Variants in SACM1L observed in about 807,000 individuals in gnomAD.
The protein encoded by SACM1L is SAC1 like phosphatidylinositide phosphatase, also known as phosphatidylinositol-3-phosphatase SAC1.
Under a neutral mutation model 89.5 loss-of-function variants are expected in SACM1L, and 32 were observed. That is an observed-to-expected ratio of 0.36 (90% CI 0.27 to 0.48). The LOEUF is 0.48. SACM1L is among the 20% of genes least tolerant of loss of function. SACM1L has a pLI of 0.99. For synonymous variants in SACM1L, 213 were observed against 232.8 expected, an observed-to-expected ratio of 0.92 and a Z score of 0.77; for missense variants, 543 against 708.5, an observed-to-expected ratio of 0.77 and a Z score of 2.65.
chr3:45,741,963 C>G (rs1699326176), intron 19 of SACM1L, among the ~76,000 whole-genome samples: 1 of 152,248 alleles, frequency 6.6e-6, no homozygotes, highest in Non-Finnish European at 1.5e-5. Flanking sequence ...CATTTCCTCT[C>G]TGGGTCCTCT....
In SACM1L at chr3:45,744,163, G is replaced by A. The variant is rs1317792571; in HGVS notation, c.*494G>A. On this transcript the variant is annotated 3_prime_UTR_variant, in exon 20 of 20. Transcript: ENST00000389061. ...AATAAGCTAACTGTGTTTATAAAAT[G>A]TAAGTCTCTTACAGACATCAAGTAG... is the stretch of plus-strand genomic sequence containing the variant. 1 of 152,474 alleles carries A rather than the reference G, an allele frequency of 6.6e-6. No homozygotes were observed. Among genetic ancestry groups the A allele is most frequent in the East Asian group, 1.9e-4 (1 of 5,198 alleles). 9.4% of individuals were successfully genotyped at this position (152,474 alleles called of 1,614,324 possible).
Position 45,703,442 on chromosome 3 carries a change from A to G in SACM1L, c.37A>G (p.Ile13Val). Residue 13 changes from isoleucine (I) to valine (V), a missense_variant, in exon 2 of 20, where the codon ATC becomes GTC. By Grantham distance (29) the Ile-to-Val change is conservative (BLOSUM62 3). Transcript: ENST00000389061. ...ATGTTTTACATTTCTTCTTAGGCAT[A>G]TCACACCTGAAAAATTTTATGTGGA... is the stretch of plus-strand genomic sequence containing the variant. ...TAAYEQLKLH[I>V]TPEKFYVEAC... 6.2e-7 allele frequency: 1 copy of G among 1,609,502 alleles called. No individual in the cohort carries two copies. The highest frequency in any genetic ancestry group is 8.5e-7 in the Non-Finnish European group (1 of 1,176,058).
chr3:45,725,337 T>C (rs981184259), intron 11 of SACM1L, among the ~76,000 whole-genome samples: 2 of 152,194 alleles, frequency 1.3e-5, no homozygotes, highest in African/African-American at 4.8e-5. Context: ...TTTTTATTTA[T>C]TTATGTTTTA....
At chr3:45,739,414 A>G (rs3733107) in intron 18 of SACM1L, among the ~76,000 whole-genome samples, 173 bp from the exon 19 acceptor site, 37,970 of 152,098 alleles carry the variant, frequency 0.25, 5,639 homozygotes, top group East Asian at 0.54. Flanking sequence ...TCTAAAGTCT[A>G]GGGCAGTTGT....
At chr3:45,698,919 T>G (rs919662677) in intron 1 of SACM1L, among the ~76,000 whole-genome samples, 1 of 152,072 alleles carries the variant, frequency 6.6e-6, no homozygotes, top group African/African-American at 2.4e-5. Context: ...TACAGGCACG[T>G]GCCACCGCAC....
chr3:45,734,429 GAAAAA>G (rs910890657), intron 13 of SACM1L, among the ~76,000 whole-genome samples: 2 of 151,106 alleles, frequency 1.3e-5, no homozygotes, highest in African/African-American at 4.9e-5. Flanking sequence ...AAAAGAAAAA[GAAAAA>G]AAATATTTTT....
intron 14 of SACM1L, among the ~76,000 whole-genome samples, chr3:45,736,006 A>G (rs1699190266): frequency 6.6e-6 from 1 of 152,148 alleles, no homozygotes; most frequent in Admixed American, 6.5e-5. Flanking sequence ...AGCTGGGGCT[A>G]CAGGCATGTG....
At chr3:45,729,336 C>T (rs534872847) in intron 11 of SACM1L, among the ~76,000 whole-genome samples, 345 of 152,264 alleles carry the variant, frequency 2.3e-3, no homozygotes, top group African/African-American at 7.7e-3. Context: ...CTGCCCACCT[C>T]GGCCTCCCAA....
At chr3:45,732,416 A>G (rs1188714660) in intron 13 of SACM1L, among the ~76,000 whole-genome samples, 1 of 152,208 alleles carries the variant, frequency 6.6e-6, no homozygotes, top group Non-Finnish European at 1.5e-5. Context: ...ATTTTTGTAT[A>G]ATTGAACTTG....
At chr3:45,701,151 AT>A (rs910257482) in intron 1 of SACM1L, among the ~76,000 whole-genome samples, 26 of 147,844 alleles carry the variant, frequency 1.8e-4, no homozygotes, top group Non-Finnish European at 1.4e-4. Context: ...CATTTCTTTA[AT>A]TTTTTTTTTT....
intron 1 of SACM1L, among the ~76,000 whole-genome samples, chr3:45,700,971 C>T (rs1286361922): frequency 1.3e-5 from 2 of 152,206 alleles, no homozygotes; most frequent in Non-Finnish European, 2.9e-5. Flanking sequence ...CGCGCCCAGC[C>T]TCTATCTCTT....
Position 45,726,869 on chromosome 3 carries a change from CTTTTTTTTTTT to C in SACM1L, c.921+3343_921+3353del, listed in dbSNP as rs1158423503. On this transcript the variant is annotated intron_variant, in intron 11 of 19. Transcript: ENST00000389061. ...CCTCAGCACTGCTTTTGCTTTATTT[CTTTTTTTTTTT>C]TTTTTTTTTTTTTTTTGAGACGGAG... Among the ~76,000 whole-genome samples the C allele has an allele frequency of 7.1e-4, 37 of 52,342 alleles. 9 individuals carry two copies. The highest frequency in any genetic ancestry group is 3.4e-3 in the African/African-American group (37 of 10,786). 34.3% of individuals were successfully genotyped at this position (52,342 alleles called of 152,430 possible).
chr3:45,721,722 A>G (rs1289165327), intron 8 of SACM1L, among the ~76,000 whole-genome samples: 1 of 152,018 alleles, frequency 6.6e-6, no homozygotes, highest in African/African-American at 2.4e-5. Context: ...ACTACTTTAG[A>G]GGAATTTTGT....
chr3:45,731,549 T>C (rs961771549), intron 12 of SACM1L, among the ~76,000 whole-genome samples, 169 bp downstream of exon 12: 1 of 152,246 alleles, frequency 6.6e-6, no homozygotes, highest in Admixed American at 6.5e-5. Flanking sequence ...TAATTTATGT[T>C]GCAGAATAAC....
At chr3:45,735,101 C>G in intron 13 of SACM1L, 134 bp from the exon 14 acceptor site, 1 of 851,650 alleles carries the variant, frequency 1.2e-6, no homozygotes, top group Non-Finnish European at 1.7e-6. Context: ...TATGCCTGAC[C>G]ACACATTCCT....
intron 1 of SACM1L, among the ~76,000 whole-genome samples, chr3:45,695,410 A>G (rs2125680430): frequency 1.3e-5 from 2 of 151,956 alleles, no homozygotes; most frequent in South Asian, 2.1e-4. Context: ...ACAGGCATGC[A>G]CCACCAGGCC....
In SACM1L at chr3:45,689,531, C is replaced by T. The variant is rs369162043; in HGVS notation, c.32+34C>T. On this transcript the variant is annotated intron_variant, in intron 1 of 19. Transcript: ENST00000389061. Reference sequence around the variant, plus strand: ...CACGGGCCAGAGGCCTGAGGCGCGGCGGGCGGGGCGGCAGGTGCGGGCCCT... The same window carrying T: ...CACGGGCCAGAGGCCTGAGGCGCGGTGGGCGGGGCGGCAGGTGCGGGCCCT... 172 of 1,553,054 alleles carry T rather than the reference C, an allele frequency of 1.1e-4. No individual in the cohort carries two copies. The Middle Eastern group carries it at 1.5e-3, about 14-fold the overall frequency.
At chr3:45,705,355 T>C (rs958327056) in intron 3 of SACM1L, 146 bp downstream of exon 3, 13 of 432,720 alleles carry the variant, frequency 3.0e-5, no homozygotes, top group Middle Eastern at 3.4e-4. Flanking sequence ...TCATTAATTT[T>C]TAAAAGAAAT....
intron 5 of SACM1L, 147 bp downstream of exon 5, chr3:45,709,794 T>A: frequency 1.5e-6 from 1 of 679,412 alleles, no homozygotes; most frequent in South Asian, 2.2e-5. Context: ...CTGTTTTAAA[T>A]ATACATCACA....
Sources: allele counts gnomAD v4.1 joint callset (sites outside exome capture counted in the v4.1 genomes callset), GRCh38; gene constraint gnomAD v4.1.1; transcripts MANE v1.5; gene names NCBI Gene and HGNC (gene_info 2026-07-23, HGNC 2026-07-21).